The following NAALADL2 variants were observed in gnomAD, a reference collection of about 807,000 sequenced individuals.
The protein encoded by NAALADL2 is N-acetylated alpha-linked acidic dipeptidase like 2.
Under a neutral mutation model 87.2 loss-of-function variants are expected in NAALADL2, and 76 were observed. The observed-to-expected ratio is 0.87, with a 90% CI of 0.72 to 1.05. The LOEUF is 1.05. Ranked by LOEUF, NAALADL2 falls within the 50% of genes least tolerant of loss-of-function variation. The pLI is 0.00. For synonymous variants in NAALADL2, 354 were observed against 331.0 expected (o/e 1.07, Z -0.75); for missense variants, 1,089 against 945.8 (o/e 1.15, Z -1.99).
Position 175,803,529 on chromosome 3 carries a change from T to C in NAALADL2, c.*326T>C. The C allele has an allele frequency of 5.6e-6, 1 of 177,336 alleles. No homozygotes were observed. The allele number at this position is 177,336 out of a possible 1,614,324, so 11.0% of individuals were successfully genotyped here. A position where few individuals can be genotyped will look rare whatever the true frequency, so the allele number is the denominator to read the frequency against. On this transcript the variant is annotated 3_prime_UTR_variant, in exon 14 of 14. Transcript: ENST00000454872. ...AGAAGTTCTGGACTATCTTTGTTCC[T>C]ATGGGGAGGGCATATAGGAACACAG...
At chr3:175,152,122 G>T (rs1365438770) in intron 2 of NAALADL2, among the ~76,000 whole-genome samples, 1 of 152,008 alleles carries the variant, frequency 6.6e-6, no homozygotes, top group East Asian at 1.9e-4. Flanking sequence ...TTATAAGTAG[G>T]GTTATATTGT....
At chr3:175,751,399 T>G (rs1188003339) in intron 12 of NAALADL2, among the ~76,000 whole-genome samples, 2 of 151,914 alleles carry the variant, frequency 1.3e-5, no homozygotes, top group Non-Finnish European at 2.9e-5. Flanking sequence ...GAGAGTAACA[T>G]CTCTGAGAAA....
At chr3:175,320,748 A>C (rs1051065824) in intron 4 of NAALADL2, among the ~76,000 whole-genome samples, 1 of 152,144 alleles carries the variant, frequency 6.6e-6, no homozygotes, top group African/African-American at 2.4e-5. Context: ...GAAATGGATA[A>C]ATTCCTCGAC....
chr3:175,391,081 G>C (rs934174619), intron 5 of NAALADL2, among the ~76,000 whole-genome samples: 3 of 152,118 alleles, frequency 2.0e-5, no homozygotes, highest in African/African-American at 7.2e-5. Flanking sequence ...GAGTCATAAG[G>C]ATTATTAGAG....
intron 11 of NAALADL2, among the ~76,000 whole-genome samples, chr3:175,717,362 C>T (rs888118140): frequency 2.0e-5 from 3 of 152,032 alleles, no homozygotes; most frequent in African/African-American, 7.2e-5. Context: ...AGCCTTAGAA[C>T]AAGTCACAAG....
At chr3:174,840,051 T>C (rs1430473176) in intron 3 of NAALADL2, among the ~76,000 whole-genome samples, 2 of 151,934 alleles carry the variant, frequency 1.3e-5, no homozygotes, top group Non-Finnish European at 2.9e-5. Flanking sequence ...TACTTGCACA[T>C]GCATTTATAT....
chr3:174,687,476 T>C (rs1024349337), intron 2 of NAALADL2, among the ~76,000 whole-genome samples: 16 of 152,096 alleles, frequency 1.1e-4, no homozygotes, highest in African/African-American at 3.6e-4. Flanking sequence ...TCGCTTACAA[T>C]ATACTAGGGG....
intron 13 of NAALADL2, among the ~76,000 whole-genome samples, chr3:175,800,785 T>A: frequency 6.6e-6 from 1 of 152,132 alleles, no homozygotes; most frequent in East Asian, 1.9e-4. Context: ...CAGCACTGAA[T>A]TAGACTTGAT....
At chr3:175,760,153 TA>T (rs1159108020) in intron 13 of NAALADL2, among the ~76,000 whole-genome samples, 1 of 152,186 alleles carries the variant, frequency 6.6e-6, no homozygotes, top group Non-Finnish European at 1.5e-5. Context: ...TGTGTGGCTC[TA>T]AGAGTCTCGT....
intron 2 of NAALADL2, among the ~76,000 whole-genome samples, chr3:175,175,608 T>A (rs1403769829): frequency 6.6e-6 from 1 of 152,126 alleles, no homozygotes; most frequent in African/African-American, 2.4e-5. Context: ...TTTCATCTGA[T>A]GTACACACTG....
intron 5 of NAALADL2, among the ~76,000 whole-genome samples, chr3:175,381,961 C>A (rs372304908): frequency 6.6e-6 from 1 of 152,124 alleles, no homozygotes; most frequent in Non-Finnish European, 1.5e-5. Flanking sequence ...TTCCTATTAA[C>A]CCACTTACTA....
chr3:175,252,211 T>C (rs1211190729), intron 3 of NAALADL2, among the ~76,000 whole-genome samples: 1 of 152,232 alleles, frequency 6.6e-6, no homozygotes, highest in Non-Finnish European at 1.5e-5. Flanking sequence ...ACGGCAACCC[T>C]GCATTTAGCA....
chr3:174,927,029 G>GA (rs552773959), intron 1 of NAALADL2, among the ~76,000 whole-genome samples: 5,684 of 99,020 alleles, frequency 0.057, 191 homozygotes, highest in East Asian at 0.23. Flanking sequence ...AGCAAATGAA[G>GA]AAAAAAAAAA....
intron 5 of NAALADL2, among the ~76,000 whole-genome samples, chr3:175,326,876 G>A (rs574306262): frequency 6.6e-6 from 1 of 152,212 alleles, no homozygotes; most frequent in South Asian, 2.1e-4. Flanking sequence ...TGGTTACTTT[G>A]GGGATCAAGT....
intron 2 of NAALADL2, among the ~76,000 whole-genome samples, chr3:174,676,577 C>CT (rs1727060064): frequency 6.6e-6 from 1 of 151,862 alleles, no homozygotes; most frequent in Admixed American, 6.6e-5. Context: ...GCACTTTTGA[C>CT]TTTTTTGTAA....
chr3:174,823,189 CTTTTTG>C (rs1721612316), intron 3 of NAALADL2, among the ~76,000 whole-genome samples: 1 of 151,542 alleles, frequency 6.6e-6, no homozygotes, highest in African/African-American at 2.4e-5. Flanking sequence ...TGGAGTTTTC[CTTTTTG>C]TTGTTGTTGT....
At chr3:174,545,093 G>C (rs1722611447) in intron 1 of NAALADL2, among the ~76,000 whole-genome samples, 1 of 151,972 alleles carries the variant, frequency 6.6e-6, no homozygotes, top group African/African-American at 2.4e-5. Flanking sequence ...TGTCCAGTCT[G>C]GTCTTGAAAT....
chr3:174,967,528 A>G (rs574664315), intron 1 of NAALADL2, among the ~76,000 whole-genome samples: 1 of 152,266 alleles, frequency 6.6e-6, no homozygotes, highest in South Asian at 2.1e-4. Flanking sequence ...ACTTGCCTTG[A>G]CCAATGCTAT....
At chr3:174,834,906 G>T (rs1579127022) in intron 3 of NAALADL2, among the ~76,000 whole-genome samples, 2 of 151,722 alleles carry the variant, frequency 1.3e-5, no homozygotes, top group African/African-American at 2.4e-5. Flanking sequence ...ATCTATGAAA[G>T]AATTCTTTTA....
Sources: gnomAD v4.1 joint callset for allele counts (sites outside exome capture counted in the v4.1 genomes callset) on GRCh38, gnomAD v4.1.1 for gene constraint, MANE v1.5 for transcripts, NCBI Gene and HGNC (gene_info 2026-07-23, HGNC 2026-07-21) for gene names.